The following BMP5 variants were observed in gnomAD, a reference collection of about 807,000 sequenced individuals.
The protein encoded by BMP5 is bone morphogenetic protein 5.
A neutral mutation model predicts 46.6 loss-of-function variants in BMP5; 23 were observed. That is an observed-to-expected ratio of 0.49 (90% confidence interval 0.35 to 0.70). The LOEUF (loss-of-function observed/expected upper bound fraction) is 0.70. Ranked by LOEUF, BMP5 falls within the 30% of genes least tolerant of loss-of-function variation. The pLI is 0.00. For synonymous variants in BMP5, 204 were observed against 191.9 expected (o/e 1.06, Z -0.52); for missense variants, 545 against 565.6 (o/e 0.96, Z 0.37).
At chr6:55,758,097 C>G (rs965327737) in intron 6 of BMP5, among the ~76,000 whole-genome samples, 1 of 151,948 alleles carries the variant, frequency 6.6e-6, no homozygotes, top group African/African-American at 2.4e-5. Flanking sequence ...AGATTGTCTA[C>G]TATCTACTTT....
intron 1 of BMP5, among the ~76,000 whole-genome samples, chr6:55,867,291 A>G (rs766665927): frequency 2.6e-5 from 4 of 152,040 alleles, no homozygotes; most frequent in Non-Finnish European, 5.9e-5. Flanking sequence ...CCTTCCCCAC[A>G]TATCTCTCCT....
intron 1 of BMP5, among the ~76,000 whole-genome samples, chr6:55,827,556 T>G (rs577460088): frequency 6.6e-6 from 1 of 151,904 alleles, no homozygotes; most frequent in South Asian, 2.1e-4. Flanking sequence ...CTTACAAATT[T>G]TTTTTAAGTC....
At chr6:55,758,871 C>G in intron 6 of BMP5, 134 bp downstream of exon 6, 1 of 719,610 alleles carries the variant, frequency 1.4e-6, no homozygotes, top group Admixed American at 2.0e-5. Context: ...GTTACTTCAG[C>G]TCTAAAAAGA....
chr6:55,799,057 T>C (rs1775782293), intron 2 of BMP5, among the ~76,000 whole-genome samples: 1 of 152,198 alleles, frequency 6.6e-6, no homozygotes, highest in African/African-American at 2.4e-5. Flanking sequence ...TTTATCAATA[T>C]CAATCTAGTG....
At chr6:55,792,685 C>T (rs1775601715) in intron 3 of BMP5, among the ~76,000 whole-genome samples, 1 of 152,090 alleles carries the variant, frequency 6.6e-6, no homozygotes, top group Non-Finnish European at 1.5e-5. Context: ...GGCTATGAAA[C>T]TGGCTGCAGG....
intron 3 of BMP5, among the ~76,000 whole-genome samples, chr6:55,780,430 T>C (rs1270363655): frequency 1.8e-4 from 21 of 119,062 alleles, no homozygotes; most frequent in Admixed American, 1.0e-3. Context: ...ACCATTCTGG[T>C]TAACACAGTG....
At chr6:55,864,631 A>G (rs183107053) in intron 1 of BMP5, among the ~76,000 whole-genome samples, 1 of 152,322 alleles carries the variant, frequency 6.6e-6, no homozygotes, top group Admixed American at 6.5e-5. Flanking sequence ...ACACAAACAG[A>G]CTGAGACATC....
At chr6:55,854,141 T>C (rs181375860) in intron 1 of BMP5, among the ~76,000 whole-genome samples, 36 of 152,276 alleles carry the variant, frequency 2.4e-4, no homozygotes, top group Middle Eastern at 3.4e-3. Flanking sequence ...AATTTCTTTG[T>C]GTTTAAGACA....
chr6:55,822,883 G>A (rs991884225), intron 1 of BMP5, among the ~76,000 whole-genome samples: 2 of 152,032 alleles, frequency 1.3e-5, no homozygotes, highest in Non-Finnish European at 2.9e-5. Flanking sequence ...CACACAGAAC[G>A]AAGTTGCATT....
At chr6:55,820,830 T>C (rs1776393855) in intron 1 of BMP5, among the ~76,000 whole-genome samples, 2 of 152,144 alleles carry the variant, frequency 1.3e-5, no homozygotes, top group African/African-American at 4.8e-5. Flanking sequence ...TTATTCAGAA[T>C]TGAGAGGGGA....
chr6:55,782,921 A>G (rs1247840152), intron 3 of BMP5, among the ~76,000 whole-genome samples: 1 of 152,208 alleles, frequency 6.6e-6, no homozygotes, highest in East Asian at 1.9e-4. Flanking sequence ...TCACACTACT[A>G]AAGTAGTATG....
intron 3 of BMP5, among the ~76,000 whole-genome samples, chr6:55,785,118 T>TA (rs1269619037): frequency 1.3e-5 from 2 of 151,978 alleles, no homozygotes; most frequent in South Asian, 4.1e-4. Context: ...GAAAATGAAT[T>TA]AAAAATATAC....
At chr6:55,785,156 G>A (rs546914617) in intron 3 of BMP5, among the ~76,000 whole-genome samples, 1 of 151,952 alleles carries the variant, frequency 6.6e-6, no homozygotes, top group Admixed American at 6.6e-5. Context: ...GATTAACTAT[G>A]TAGAATTTAA....
intron 3 of BMP5, among the ~76,000 whole-genome samples, chr6:55,785,760 AT>A (rs547096318): frequency 0.03 from 4,517 of 148,448 alleles, 209 homozygotes; most frequent in African/African-American, 0.11. Flanking sequence ...AAAAAAAAAA[AT>A]TTTTTCAGAA....
chr6:55,818,971 CAGAT>C lies in BMP5; in HGVS notation c.683+680_683+683del, dbSNP rs1554183657. ...ACAGACAGACAGACAGACAGACAGACAGATAGATAGATAGATGGTAGATCTGAGC... is the reference window on the plus strand; with the variant it reads ...ACAGACAGACAGACAGACAGACAGACAGATAGATAGATGGTAGATCTGAGC... On this transcript the variant is annotated intron_variant, in intron 2 of 6. Transcript: ENST00000370830. 6.2e-3 allele frequency among the ~76,000 whole-genome samples: 929 copies of C among 150,662 alleles called. 10 individuals are homozygous for C. Among genetic ancestry groups the C allele is most frequent in the African/African-American group, 0.021 (838 of 40,838 alleles).
At chr6:55,841,916 C>CAGAGAGAGAGAGAGAGAGAGAGAGAG (rs143400522) in intron 1 of BMP5, among the ~76,000 whole-genome samples, 2 of 146,844 alleles carry the variant, frequency 1.4e-5, no homozygotes, top group African/African-American at 5.0e-5. Flanking sequence ...GAGAGAGAGA[C>CAGAGAGAGAGAGAGAGAGAGAGAGAG]AGAGAGAGAG....
chr6:55,875,188 A>C lies in BMP5; in HGVS notation c.-323T>G, dbSNP rs1777880225. On this transcript the variant is annotated 5_prime_UTR_variant, in exon 1 of 7. Transcript: ENST00000370830. ...TTGATCAGATGACCTATGCATTCCT[A>C]TATGAATTTATGATAATCAGGCCTT... 4.1e-6 allele frequency: 1 copy of C among 244,026 alleles called. No individual in the cohort carries two copies. Among genetic ancestry groups the C allele is most frequent in the Non-Finnish European group, 8.1e-6 (1 of 124,128 alleles). 15.1% of individuals were successfully genotyped at this position (244,026 alleles called of 1,614,324 possible).
At chr6:55,808,836 C>G (rs1005080514) in intron 2 of BMP5, among the ~76,000 whole-genome samples, 1 of 152,130 alleles carries the variant, frequency 6.6e-6, no homozygotes, top group African/African-American at 2.4e-5. Flanking sequence ...ACCTCGGTTG[C>G]TGGTGTAGGA....
intron 3 of BMP5, among the ~76,000 whole-genome samples, chr6:55,793,526 GT>G (rs1775623471): frequency 6.6e-6 from 1 of 152,156 alleles, no homozygotes; most frequent in South Asian, 2.1e-4. Context: ...GTCTTTAGCT[GT>G]GTATGTTCTG....
Sources: gnomAD v4.1 joint callset for allele counts (sites outside exome capture counted in the v4.1 genomes callset) on GRCh38, gnomAD v4.1.1 for gene constraint, MANE v1.5 for transcripts, NCBI Gene and HGNC (gene_info 2026-07-23, HGNC 2026-07-21) for gene names.